ADGRL3: variants seen among roughly 807,000 people sequenced by gnomAD.
ADGRL3 encodes the protein calcium-independent alpha-latrotoxin receptor 3.
Under a neutral mutation model 153.5 loss-of-function variants are expected in ADGRL3, and 62 were observed. The ratio of observed to expected loss-of-function variants is 0.40; its 90% CI spans 0.33 to 0.50. The LOEUF (loss-of-function observed/expected upper bound fraction) is 0.50. Ranked by LOEUF, ADGRL3 falls within the 20% of genes least tolerant of loss-of-function variation. ADGRL3 has a pLI of 0.47. For missense variants in ADGRL3, 1,641 were observed against 1,859.4 expected, an observed-to-expected ratio of 0.88 and a Z score of 2.16; for synonymous variants, 710 against 672.5, an observed-to-expected ratio of 1.06 and a Z score of -0.86.
At chr4:61,426,235 T>G (rs1355354080) in intron 2 of ADGRL3, among the ~76,000 whole-genome samples, 1 of 152,268 alleles carries the variant, frequency 6.6e-6, no homozygotes, top group African/African-American at 2.4e-5. Flanking sequence ...GATTGGGCCC[T>G]GGTAAACTGC....
intron 4 of ADGRL3, among the ~76,000 whole-genome samples, chr4:61,520,473 T>A (rs530168804): frequency 6.6e-6 from 1 of 152,298 alleles, no homozygotes; most frequent in South Asian, 2.1e-4. Context: ...AACTCTACTC[T>A]GGGCTCATTT....
intron 6 of ADGRL3, among the ~76,000 whole-genome samples, chr4:61,698,300 A>T (rs2095679765): frequency 6.6e-6 from 1 of 151,990 alleles, no homozygotes; most frequent in South Asian, 2.1e-4. Flanking sequence ...AAATACAAAA[A>T]AATTAGCCAG....
chr4:62,037,672 C>A, intron 23 of ADGRL3, 59 bp from the exon 24 acceptor site: 2 of 1,587,848 alleles, frequency 1.3e-6, no homozygotes. Flanking sequence ...ACATTGTCTA[C>A]TTTTGTTCCT....
intron 9 of ADGRL3, among the ~76,000 whole-genome samples, chr4:61,878,718 C>G (rs2098490867): frequency 6.6e-6 from 1 of 152,104 alleles, no homozygotes; most frequent in Admixed American, 6.5e-5. Context: ...ACATGCTGCT[C>G]AAGACATTGA....
At chr4:61,851,023 T>C (rs2098196180) in intron 9 of ADGRL3, among the ~76,000 whole-genome samples, 1 of 152,190 alleles carries the variant, frequency 6.6e-6, no homozygotes, top group Non-Finnish European at 1.5e-5. Flanking sequence ...GAACCAAGTG[T>C]CATTTTTAAT....
At chr4:61,902,037 A>C (rs2098667388) in intron 11 of ADGRL3, among the ~76,000 whole-genome samples, 1 of 152,202 alleles carries the variant, frequency 6.6e-6, no homozygotes, top group African/African-American at 2.4e-5. Flanking sequence ...CACATTCAAC[A>C]TATATGTATA....
At chr4:61,957,989 T>C (rs2098973859) in intron 17 of ADGRL3, among the ~76,000 whole-genome samples, 1 of 152,196 alleles carries the variant, frequency 6.6e-6, no homozygotes, top group Non-Finnish European at 1.5e-5. Flanking sequence ...TATTCAGAAA[T>C]TGCTGCAGTT....
At chr4:61,336,925 A>C (rs183415192) in intron 1 of ADGRL3, among the ~76,000 whole-genome samples, 2 of 150,482 alleles carry the variant, frequency 1.3e-5, no homozygotes, top group East Asian at 2.0e-4. Flanking sequence ...AAATGCATGC[A>C]GTCACCACTC....
chr4:61,365,347 A>G (rs2096376186), intron 1 of ADGRL3, among the ~76,000 whole-genome samples: 3 of 152,362 alleles, frequency 2.0e-5, no homozygotes, highest in African/African-American at 7.2e-5. Flanking sequence ...TGAGACTGCT[A>G]AGGGGACCAA....
At position 61,424,268 on chromosome 4, in the gene ADGRL3, A is replaced by T. The variant is rs545723410; in HGVS notation, c.-174+41079A>T. ...CATGGGATTGTGCACCTGCGCTCTAATCCTGCTGCATCATGCTGTAACAGA... is the reference window on the plus strand; with the variant it reads ...CATGGGATTGTGCACCTGCGCTCTATTCCTGCTGCATCATGCTGTAACAGA... On this transcript the variant is annotated intron_variant, in intron 2 of 26. Coordinates refer to ENST00000683033, the MANE Select transcript of ADGRL3 (RefSeq NM_001387552.1). 2.0e-5 allele frequency among the ~76,000 whole-genome samples: 3 copies of T among 152,164 alleles called. No individual in the cohort carries two copies. In the East Asian group the frequency reaches 5.8e-4, roughly 29 times the overall value.
At chr4:61,266,596 C>G (rs2092861428) in intron 1 of ADGRL3, among the ~76,000 whole-genome samples, 1 of 151,610 alleles carries the variant, frequency 6.6e-6, no homozygotes, top group Non-Finnish European at 1.5e-5. Context: ...TTTGTGGATT[C>G]CATTTGAGAT....
At chr4:61,559,005 C>T (rs920066623) in intron 4 of ADGRL3, among the ~76,000 whole-genome samples, 1 of 151,922 alleles carries the variant, frequency 6.6e-6, no homozygotes, top group South Asian at 2.1e-4. Flanking sequence ...ACACTGTATG[C>T]AAAATAGTAA....
At chr4:61,908,316 G>C (rs568857334) in intron 11 of ADGRL3, among the ~76,000 whole-genome samples, 5 of 152,108 alleles carry the variant, frequency 3.3e-5, no homozygotes, top group Non-Finnish European at 7.4e-5. Context: ...AAAGAAAAAG[G>C]CCGGGCGTAG....
At chr4:61,704,586 G>A (rs1580366279) in intron 6 of ADGRL3, among the ~76,000 whole-genome samples, 1 of 152,244 alleles carries the variant, frequency 6.6e-6, no homozygotes, top group East Asian at 1.9e-4. Context: ...AATGACTGTG[G>A]TAATTTCTTA....
intron 15 of ADGRL3, among the ~76,000 whole-genome samples, chr4:61,945,972 C>G (rs1000930761): frequency 2.6e-5 from 4 of 152,046 alleles, no homozygotes; most frequent in African/African-American, 9.7e-5. Context: ...CTAGTATATT[C>G]TATTATATAA....
intron 6 of ADGRL3, among the ~76,000 whole-genome samples, chr4:61,725,929 T>A (rs1023917645): frequency 2.0e-5 from 3 of 152,154 alleles, no homozygotes; most frequent in Non-Finnish European, 2.9e-5. Flanking sequence ...ATGGGAATAA[T>A]AAATACAATA....
At chr4:61,711,846 C>T (rs2095998661) in intron 6 of ADGRL3, among the ~76,000 whole-genome samples, 1 of 151,864 alleles carries the variant, frequency 6.6e-6, no homozygotes, top group Non-Finnish European at 1.5e-5. Flanking sequence ...AATGAGATTG[C>T]AGTTCAATAT....
intron 26 of ADGRL3, 86 bp from the exon 27 acceptor site, chr4:62,070,023 C>A: frequency 1.9e-6 from 2 of 1,047,102 alleles, no homozygotes; most frequent in Non-Finnish European, 2.8e-6. Flanking sequence ...ATTTCATAGT[C>A]AATGAATGTT....
At chr4:61,507,240 T>A (rs2098436511) in intron 3 of ADGRL3, among the ~76,000 whole-genome samples, 1 of 152,158 alleles carries the variant, frequency 6.6e-6, no homozygotes, top group Non-Finnish European at 1.5e-5. Flanking sequence ...AGCAACAGGC[T>A]GGTATGATGC....
Sources: gnomAD v4.1 joint callset for allele counts (sites outside exome capture counted in the v4.1 genomes callset) on GRCh38, gnomAD v4.1.1 for gene constraint, MANE v1.5 for transcripts, NCBI Gene and HGNC (gene_info 2026-07-23, HGNC 2026-07-21) for gene names.